Variants in ST6GAL1 observed in about 807,000 individuals in gnomAD.
ST6GAL1 encodes the protein ST6 beta-galactoside alpha-2,6-sialyltransferase 1.
ST6GAL1 carries 20 observed loss-of-function variants against 38.0 expected under a neutral mutation model. That is an observed-to-expected ratio of 0.53 (90% CI 0.37 to 0.77). The LOEUF (loss-of-function observed/expected upper bound fraction) is 0.77. ST6GAL1 is among the 30% of genes least tolerant of loss of function. The probability of loss-of-function intolerance (pLI) is 0.00; values close to 1 mark genes in which losing one functional copy is unlikely to be tolerated. For missense variants in ST6GAL1, 432 were observed against 496.4 expected, an observed-to-expected ratio of 0.87 and a Z score of 1.23; for synonymous variants, 196 against 188.2, an observed-to-expected ratio of 1.04 and a Z score of -0.34.
intron 5 of ST6GAL1, chr3:187,051,608 CTGCTGCAAGGTCATACCTGGAGGTTTACA>C: frequency 2.4e-6 from 1 of 411,158 alleles, no homozygotes; most frequent in Non-Finnish European, 4.6e-6. Context: ...GCTGTCCTTG[CTGCTGCAAGGTCATACCTGGAGGTTTACA>C]TGAGGGACAG....
chr3:186,986,133 G>A (rs573664282), intron 2 of ST6GAL1, among the ~76,000 whole-genome samples: 2 of 152,316 alleles, frequency 1.3e-5, no homozygotes, highest in African/African-American at 4.8e-5. Context: ...CCGCCATAAG[G>A]AAGCAGAGAT....
At chr3:187,037,367 G>A (rs1717966078) in intron 2 of ST6GAL1, among the ~76,000 whole-genome samples, 1 of 151,922 alleles carries the variant, frequency 6.6e-6, no homozygotes. Context: ...TGATTAGTCT[G>A]TTCATGTTGA....
At chr3:186,984,804 CA>C (rs1560151118) in intron 2 of ST6GAL1, among the ~76,000 whole-genome samples, 13 of 32,112 alleles carry the variant, frequency 4.0e-4, no homozygotes, top group African/African-American at 1.3e-3. Flanking sequence ...TCCTTCCTTC[CA>C]TCCTTCCTTC....
At chr3:187,035,566 A>G (rs1171450926) in intron 2 of ST6GAL1, among the ~76,000 whole-genome samples, 2 of 152,234 alleles carry the variant, frequency 1.3e-5, no homozygotes, top group Non-Finnish European at 2.9e-5. Context: ...ACATAGACTA[A>G]TGGAGCAGAA....
intron 2 of ST6GAL1, among the ~76,000 whole-genome samples, chr3:186,974,725 T>TGG (rs1364477761): frequency 6.6e-5 from 6 of 90,348 alleles, no homozygotes; most frequent in Non-Finnish European, 1.5e-4. Context: ...GAGAGCCTGG[T>TGG]TGGGGGGGGG....
chr3:187,074,108 C>T, intron 6 of ST6GAL1, 51 bp from the exon 7 acceptor site: 1 of 1,507,694 alleles, frequency 6.6e-7, no homozygotes, highest in South Asian at 1.3e-5. Context: ...CTGGGGGGAG[C>T]AGCTCACTGG....
rs150410379 is a variant in ST6GAL1, at chr3:187,042,938, G to A, written c.235G>A (p.Gly79Ser). Residue 79 changes from glycine (G) to serine (S), a missense_variant, in exon 4 of 8, where the codon GGC (glycine) becomes AGC (serine). Transcript: ENST00000169298. Reference sequence around the variant, plus strand: ...CCCCCACAGGGGCCGCCAGACCCTCGGCAGTCTCAGAGGCCTAGCCAAGGC... The same window carrying A: ...CCCCCACAGGGGCCGCCAGACCCTCAGCAGTCTCAGAGGCCTAGCCAAGGC... ...QDPHRGRQTLGSLRGLAKAKP... is the reference protein window; with the variant it reads ...QDPHRGRQTLSSLRGLAKAKP... The A allele has an allele frequency of 1.2e-4, 191 of 1,614,180 alleles. No homozygotes were observed. In the African/African-American group the frequency reaches 2.0e-3, roughly 17 times the overall value.
intron 1 of ST6GAL1, among the ~76,000 whole-genome samples, chr3:186,961,003 T>A (rs1031462493): frequency 2.0e-5 from 3 of 148,598 alleles, no homozygotes; most frequent in African/African-American, 7.5e-5. Context: ...AGAGTCTCAC[T>A]CTGTCACTCA....
intron 2 of ST6GAL1, among the ~76,000 whole-genome samples, chr3:187,032,234 G>A (rs1341720060): frequency 6.6e-6 from 1 of 152,194 alleles, no homozygotes; most frequent in Non-Finnish European, 1.5e-5. Flanking sequence ...TTGAGCAGAT[G>A]CAGTTGATGT....
At chr3:187,012,098 A>C (rs1716972971) in intron 2 of ST6GAL1, among the ~76,000 whole-genome samples, 1 of 152,110 alleles carries the variant, frequency 6.6e-6, no homozygotes, top group African/African-American at 2.4e-5. Flanking sequence ...GGCTCCGGTC[A>C]TCTATGTTAG....
chr3:186,976,240 C>T (rs7611786), intron 2 of ST6GAL1, among the ~76,000 whole-genome samples: 2,856 of 152,228 alleles, frequency 0.019, 83 homozygotes, highest in African/African-American at 0.064. Flanking sequence ...GGTTTACGCT[C>T]TCCTTTTATT....
chr3:186,947,062 C>T (rs531412526), intron 1 of ST6GAL1, among the ~76,000 whole-genome samples: 30 of 152,156 alleles, frequency 2.0e-4, no homozygotes, highest in South Asian at 1.7e-3. Context: ...GATGAAGGGG[C>T]GTTGGCATGT....
At chr3:187,000,615 A>G (rs548438685) in intron 2 of ST6GAL1, among the ~76,000 whole-genome samples, 10 of 152,236 alleles carry the variant, frequency 6.6e-5, no homozygotes, top group Admixed American at 5.9e-4. Flanking sequence ...TTTATAGTGC[A>G]TGTCTTTTGT....
chr3:187,062,874 TACAA>T (rs1203098412), intron 5 of ST6GAL1, among the ~76,000 whole-genome samples: 3 of 152,166 alleles, frequency 2.0e-5, no homozygotes, highest in African/African-American at 7.2e-5. Context: ...GTCACAGAAG[TACAA>T]ACACTGTATG....
At chr3:186,944,319 C>G (rs1264052600) in intron 1 of ST6GAL1, among the ~76,000 whole-genome samples, 2 of 152,130 alleles carry the variant, frequency 1.3e-5, no homozygotes. Flanking sequence ...GGGCCTTGAG[C>G]TGTCCCTTTA....
chr3:186,968,179 CT>C (rs1715216433), intron 2 of ST6GAL1, among the ~76,000 whole-genome samples: 1 of 152,186 alleles, frequency 6.6e-6, no homozygotes, highest in Admixed American at 6.5e-5. Flanking sequence ...TGACTTGGGT[CT>C]GAGCCTGACC....
intron 2 of ST6GAL1, among the ~76,000 whole-genome samples, chr3:187,006,713 T>C (rs1394969319): frequency 1.3e-5 from 2 of 152,220 alleles, no homozygotes; most frequent in African/African-American, 4.8e-5. Flanking sequence ...ATTTTGGCAA[T>C]CTGGCCCCAA....
intron 2 of ST6GAL1, among the ~76,000 whole-genome samples, chr3:186,987,642 T>C (rs1423491158): frequency 6.6e-6 from 1 of 152,170 alleles, no homozygotes; most frequent in East Asian, 1.9e-4. Flanking sequence ...CTGTTGAAGG[T>C]CCTCAAGATC....
intron 1 of ST6GAL1, chr3:186,931,183 G>GTCTGGGTTCCTTCAAATCTTGCCT (rs6148233): frequency 7.7e-6 from 1 of 129,566 alleles, no homozygotes; most frequent in Admixed American, 7.5e-5. Context: ...GCCTTGCAGA[G>GTCTGGGTTCCTTCAAATCTTGCCT]TCTGGGTTTA....
Sources: allele counts gnomAD v4.1 joint callset (sites outside exome capture counted in the v4.1 genomes callset), GRCh38; gene constraint gnomAD v4.1.1; transcripts MANE v1.5; gene names NCBI Gene and HGNC (gene_info 2026-07-23, HGNC 2026-07-21).